Variants in IL15 observed in about 807,000 individuals in gnomAD.
IL15 encodes the protein interleukin 15.
Under a neutral mutation model 19.6 loss-of-function variants are expected in IL15, and 11 were observed. That is an observed-to-expected ratio of 0.56 (90% confidence interval 0.35 to 0.93). The LOEUF is 0.93. Ranked by LOEUF, IL15 falls within the 40% of genes least tolerant of loss-of-function variation. The probability of loss-of-function intolerance (pLI) is 0.01; values close to 1 mark genes in which losing one functional copy is unlikely to be tolerated. For missense variants in IL15, 197 were observed against 186.5 expected (o/e 1.06, Z -0.33); for synonymous variants, 58 against 59.6 (o/e 0.97, Z 0.12).
intron 1 of IL15, among the ~76,000 whole-genome samples, chr4:141,643,228 T>C (rs1284736124): frequency 6.6e-6 from 1 of 152,172 alleles, no homozygotes; most frequent in Non-Finnish European, 1.5e-5. Flanking sequence ...TCTCTGTCTC[T>C]TATGGGTCTT....
chr4:141,700,826 T>A (rs907061402), intron 2 of IL15, among the ~76,000 whole-genome samples: 1 of 152,160 alleles, frequency 6.6e-6, no homozygotes, highest in South Asian at 2.1e-4. Context: ...TAAAGAAAAA[T>A]TGTTTTTGTC....
In IL15 at chr4:141,729,021, C is replaced by T. The variant is rs145885949; in HGVS notation, c.241-826C>T. Reference sequence around the variant, plus strand: ...TTGTGTTACCTTGGAGATTGCTAAACATTTCTGAAGCTCATTTTTATTATT... The same window carrying T: ...TTGTGTTACCTTGGAGATTGCTAAATATTTCTGAAGCTCATTTTTATTATT... On this transcript the variant is annotated intron_variant, in intron 6 of 7. Transcript: ENST00000320650. 6.9e-4 allele frequency among the ~76,000 whole-genome samples: 105 copies of T among 152,230 alleles called. 1 individual carries two copies. Among genetic ancestry groups the T allele is most frequent in the African/African-American group, 2.4e-3 (101 of 41,546 alleles).
chr4:141,697,104 T>A (rs1005208210), intron 2 of IL15, among the ~76,000 whole-genome samples: 1 of 151,898 alleles, frequency 6.6e-6, no homozygotes, highest in Non-Finnish European at 1.5e-5. Context: ...TGTCTAGAAG[T>A]TTTCCCAATG....
intron 2 of IL15, among the ~76,000 whole-genome samples, chr4:141,679,047 C>T (rs1040822661): frequency 2.6e-5 from 4 of 152,152 alleles, no homozygotes; most frequent in African/African-American, 9.7e-5. Flanking sequence ...ACACAGTCTT[C>T]TTTTTCCTCA....
intron 2 of IL15, among the ~76,000 whole-genome samples, chr4:141,701,286 T>G (rs1423231995): frequency 6.9e-6 from 1 of 144,666 alleles, no homozygotes; most frequent in African/African-American, 2.5e-5. Context: ...GGGACTGAGG[T>G]TTTTTTTTTT....
At chr4:141,719,819 T>A (rs1330455493) in intron 3 of IL15, among the ~76,000 whole-genome samples, 7 of 152,206 alleles carry the variant, frequency 4.6e-5, no homozygotes, top group African/African-American at 1.7e-4. Context: ...AATTAGTGGT[T>A]AAGGTGGCAG....
Position 141,686,243 on chromosome 4 carries a change from C to A in IL15, c.-100+29936C>A, listed in dbSNP as rs139988963. ...CCCATAGGCAGTGGTTGCAGTAAGC[C>A]GAGATCATGCCATTGCACTCCAGCC... On this transcript the variant is annotated intron_variant, in intron 2 of 7. Coordinates refer to ENST00000320650, the MANE Select transcript of IL15 (RefSeq NM_000585.5). 2.3e-3 allele frequency among the ~76,000 whole-genome samples: 353 copies of A among 151,372 alleles called. 1 individual carries two copies. Among genetic ancestry groups the A allele is most frequent in the Non-Finnish European group, 4.2e-3 (288 of 67,880 alleles).
intron 1 of IL15, among the ~76,000 whole-genome samples, chr4:141,646,269 A>G (rs1366578723): frequency 6.6e-6 from 1 of 152,044 alleles, no homozygotes; most frequent in Non-Finnish European, 1.5e-5. Flanking sequence ...TACAGTGGAT[A>G]TTAAGTCTCT....
intron 2 of IL15, among the ~76,000 whole-genome samples, chr4:141,688,135 C>G (rs1728769428): frequency 6.6e-6 from 1 of 152,056 alleles, no homozygotes; most frequent in Non-Finnish European, 1.5e-5. Context: ...TCTAGTGCAC[C>G]CCCTGAAGGA....
chr4:141,721,233 C>T, intron 4 of IL15: 1 of 763,724 alleles, frequency 1.3e-6, no homozygotes, highest in Admixed American at 1.9e-5. Context: ...TGTGTAAGAT[C>T]CATCAGGAAG....
chr4:141,725,514 C>G (rs540643472), intron 5 of IL15, among the ~76,000 whole-genome samples: 23 of 152,270 alleles, frequency 1.5e-4, no homozygotes, highest in African/African-American at 5.5e-4. Flanking sequence ...TTTCAGACCT[C>G]TAGCCTCCTG....
intron 1 of IL15, among the ~76,000 whole-genome samples, chr4:141,648,534 G>A (rs952750684): frequency 6.6e-5 from 10 of 152,006 alleles, no homozygotes; most frequent in South Asian, 4.2e-4. Flanking sequence ...ATAGTATTGC[G>A]GAAGTTTAAT....
At chr4:141,678,033 G>C (rs887286212) in intron 2 of IL15, among the ~76,000 whole-genome samples, 1 of 152,160 alleles carries the variant, frequency 6.6e-6, no homozygotes, top group Non-Finnish European at 1.5e-5. Flanking sequence ...AATTTTATCT[G>C]TGGTGATATG....
At chr4:141,684,481 C>G (rs1228261339) in intron 2 of IL15, among the ~76,000 whole-genome samples, 1 of 152,170 alleles carries the variant, frequency 6.6e-6, no homozygotes, top group Non-Finnish European at 1.5e-5. Flanking sequence ...CATTGCCGAG[C>G]AAATCATATC....
At chr4:141,661,214 ATG>A (rs1028863823) in intron 2 of IL15, among the ~76,000 whole-genome samples, 2 of 152,204 alleles carry the variant, frequency 1.3e-5, no homozygotes, top group African/African-American at 4.8e-5. Flanking sequence ...GCCAGGAAGA[ATG>A]AGAGTGTGGA....
intron 2 of IL15, among the ~76,000 whole-genome samples, chr4:141,667,386 A>T (rs1728026274): frequency 6.6e-6 from 1 of 152,124 alleles, no homozygotes; most frequent in African/African-American, 2.4e-5. Context: ...TAGTGTCAGG[A>T]TGCTATTTCC....
chr4:141,655,129 C>A (rs978803752), intron 1 of IL15, among the ~76,000 whole-genome samples: 1 of 152,066 alleles, frequency 6.6e-6, no homozygotes, highest in African/African-American at 2.4e-5. Flanking sequence ...GAATTTCATT[C>A]TCATGCTCCT....
intron 2 of IL15, among the ~76,000 whole-genome samples, chr4:141,667,104 G>A (rs1052264597): frequency 6.6e-6 from 1 of 152,168 alleles, no homozygotes; most frequent in African/African-American, 2.4e-5. Flanking sequence ...ACACAGGAAT[G>A]GAAGTGCTTG....
At chr4:141,714,083 CTCCTCCTCCTGTCCCCA>C (rs952691971) in intron 2 of IL15, among the ~76,000 whole-genome samples, 5 of 152,002 alleles carry the variant, frequency 3.3e-5, no homozygotes, top group South Asian at 2.1e-4. Flanking sequence ...CTTCCCTCTC[CTCCTCCTCCTGTCCCCA>C]TCCTCCTCCT....
Sources: gnomAD v4.1 joint callset for allele counts (sites outside exome capture counted in the v4.1 genomes callset) on GRCh38, gnomAD v4.1.1 for gene constraint, MANE v1.5 for transcripts, NCBI Gene and HGNC (gene_info 2026-07-23, HGNC 2026-07-21) for gene names.